MTMR8: variants seen among roughly 807,000 people sequenced by gnomAD.
MTMR8 encodes myotubularin related protein 8, also known as phosphatidylinositol-3,5-bisphosphate 3-phosphatase MTMR8.
In MTMR8, 65 loss-of-function variants were observed where a neutral mutation model predicts 39.3. That is an observed-to-expected ratio of 1.65 (90% CI 1.35 to 2.03). The LOEUF is 2.03. Among genes scored for constraint, MTMR8 ranks in the 30% most tolerant of loss-of-function variants. MTMR8 has a pLI of 0.00. For missense variants in MTMR8, 777 were observed against 538.9 expected, an observed-to-expected ratio of 1.44 and a Z score of -4.37; for synonymous variants, 245 against 185.2, an observed-to-expected ratio of 1.32 and a Z score of -2.62.
intron 12 of MTMR8, among the ~76,000 whole-genome samples, chrX:64,295,290 A>T (rs1921536806): frequency 1.8e-5 from 2 of 111,512 alleles, no homozygotes; most frequent in African/African-American, 6.5e-5. Context: ...CTCTTGAGGT[A>T]AACCTAAATG....
chrX:64,337,302 A>G lies in MTMR8; in HGVS notation c.1067T>C (p.Leu356Pro). 8.3e-7 allele frequency: 1 copy of G among 1,210,353 alleles called. No individual in the cohort carries two copies. Among genetic ancestry groups the G allele is most frequent in the Non-Finnish European group, 1.1e-6 (1 of 894,366 alleles). ...AQVCSVASILLDPFYRTFKGL... is the reference protein window; with the variant it reads ...AQVCSVASILPDPFYRTFKGL... ...TTTGAATGTCCTATAAAATGGATCT[A>G]GGAGGATGCTAGCCACTGAGCAGAC... The change falls in exon 9 of 14, where the codon CTA becomes CCA. Residue 356 changes from leucine (L) to proline (P), a missense_variant. By Grantham distance (98) the Leu-to-Pro change is moderately conservative. Transcript: ENST00000374852.
chrX:64,343,022 T>A (rs1923257883), intron 8 of MTMR8, among the ~76,000 whole-genome samples: 3 of 111,561 alleles, frequency 2.7e-5, no homozygotes, highest in African/African-American at 9.8e-5. Flanking sequence ...TCAGCATAAA[T>A]ACAGGGTGAC....
chrX:64,394,727 G>A (rs1327359208), intron 1 of MTMR8, among the ~76,000 whole-genome samples: 1 of 111,916 alleles, frequency 8.9e-6, no homozygotes, highest in Non-Finnish European at 1.9e-5. Context: ...AAACCTCTTG[G>A]GTTTCTCCTA....
intron 1 of MTMR8, among the ~76,000 whole-genome samples, chrX:64,378,887 C>T (rs1924339319): frequency 1.8e-5 from 2 of 111,730 alleles, no homozygotes; most frequent in South Asian, 7.5e-4. Context: ...TGATAAGATG[C>T]TAGCCAGGCT....
In MTMR8 at chrX:64,296,995, C is replaced by G. The variant is rs754910555; in HGVS notation, c.1482-25922G>C. On this transcript the variant is annotated intron_variant, in intron 12 of 13. Transcript: ENST00000374852. ...CAGTCTATCATTGTTGGACATTTGG[C>G]TTGGTTCCAAGTCTTTGCTATTGTG... Among the ~76,000 whole-genome samples the G allele has an allele frequency of 4.0e-3, 399 of 100,919 alleles. 3 individuals are homozygous for G. Among genetic ancestry groups the G allele is most frequent in the African/African-American group, 0.014 (374 of 27,331 alleles). The allele number at this position is 100,919 out of a possible 115,157, so 87.6% of individuals were successfully genotyped here.
At chrX:64,375,691 G>T (rs759492090) in intron 1 of MTMR8, among the ~76,000 whole-genome samples, 1 of 111,826 alleles carries the variant, frequency 8.9e-6, no homozygotes, top group Admixed American at 9.4e-5. Flanking sequence ...GCAGCAAAAA[G>T]ACCACTGTCT....
At chrX:64,381,444 T>A (rs1924418678) in intron 1 of MTMR8, among the ~76,000 whole-genome samples, 2 of 88,021 alleles carry the variant, frequency 2.3e-5, no homozygotes, top group Non-Finnish European at 3.8e-5. Flanking sequence ...TTCGATGGGG[T>A]TGTTTTTTTT....
In MTMR8 at chrX:64,356,224, G is replaced by C; in HGVS notation, c.262C>G (p.Leu88Val). 8.3e-7 allele frequency: 1 copy of C among 1,208,730 alleles called. No individual in the cohort carries two copies. The highest frequency in any genetic ancestry group is 1.1e-6 in the Non-Finnish European group (1 of 893,988). Residue 88 changes from leucine to valine, a missense_variant, in exon 3 of 14, where the codon CTT becomes GTT. Coordinates refer to ENST00000374852, the MANE Select transcript of MTMR8 (RefSeq NM_017677.4). ...RVAHFVLDSD[L>V]VCHEVYISLL... is the part of the protein sequence containing the mutation. Reference sequence around the variant, plus strand: ...GAAATATAAACCTCATGGCACACAAGGTCAGAATCTAAAACAAAGTGGGCC... The same window carrying C: ...GAAATATAAACCTCATGGCACACAACGTCAGAATCTAAAACAAAGTGGGCC...
intron 1 of MTMR8, among the ~76,000 whole-genome samples, chrX:64,381,307 T>G (rs1048473334): frequency 3.4e-4 from 38 of 112,293 alleles, no homozygotes; most frequent in African/African-American, 1.2e-3. Flanking sequence ...TGAGGTGGTA[T>G]CTCATTGTGG....
At chrX:64,303,554 T>C (rs1393304918) in intron 12 of MTMR8, among the ~76,000 whole-genome samples, 1 of 112,453 alleles carries the variant, frequency 8.9e-6, no homozygotes, top group Non-Finnish European at 1.9e-5. Flanking sequence ...GTTCACACAA[T>C]ACTTGTGCTC....
intron 12 of MTMR8, among the ~76,000 whole-genome samples, chrX:64,278,598 T>C (rs768157235): frequency 9.6e-6 from 1 of 103,771 alleles, no homozygotes; most frequent in East Asian, 3.2e-4. Flanking sequence ...CTCAGCCTCC[T>C]GAGGAGCTGG....
chrX:64,338,862 TG>T (rs1266810217), intron 8 of MTMR8, among the ~76,000 whole-genome samples: 2 of 111,781 alleles, frequency 1.8e-5, no homozygotes, highest in African/African-American at 6.5e-5. Flanking sequence ...AGTCATGGGA[TG>T]AAAGAAAAGG....
intron 8 of MTMR8, among the ~76,000 whole-genome samples, chrX:64,341,953 A>C: frequency 8.9e-6 from 1 of 112,325 alleles, no homozygotes; most frequent in East Asian, 2.8e-4. Context: ...ACATTTAAAA[A>C]AGAGAGAGAA....
chrX:64,286,710 A>C (rs1921191990), intron 12 of MTMR8, among the ~76,000 whole-genome samples: 1 of 111,735 alleles, frequency 8.9e-6, no homozygotes, highest in Admixed American at 9.5e-5. Flanking sequence ...AAAGACAAAA[A>C]CCACATGATT....
At chrX:64,359,174 C>G (rs769701873) in intron 2 of MTMR8, among the ~76,000 whole-genome samples, 10 of 110,532 alleles carry the variant, frequency 9.0e-5, no homozygotes, top group African/African-American at 3.0e-4. Context: ...TTAGCTAAAC[C>G]CCAGGAATAT....
intron 12 of MTMR8, among the ~76,000 whole-genome samples, chrX:64,317,058 G>T (rs1236779031): frequency 9.5e-6 from 1 of 105,024 alleles, no homozygotes; most frequent in Non-Finnish European, 1.9e-5. Context: ...GTTGCAGTGA[G>T]CCGAGATCAT....
intron 1 of MTMR8, among the ~76,000 whole-genome samples, chrX:64,363,354 G>A (rs940903774): frequency 9.9e-5 from 11 of 111,502 alleles, no homozygotes; most frequent in Non-Finnish European, 2.1e-4. Flanking sequence ...CCTCATGAAT[G>A]ATTTAGCCCC....
At chrX:64,369,149 C>A (rs1394524470) in intron 1 of MTMR8, among the ~76,000 whole-genome samples, 1 of 111,864 alleles carries the variant, frequency 8.9e-6, no homozygotes, top group Non-Finnish European at 1.9e-5. Flanking sequence ...AATAGGAATG[C>A]CTTTACACTG....
chrX:64,326,083 G>GA (rs1289399407), intron 12 of MTMR8, among the ~76,000 whole-genome samples: 4 of 111,658 alleles, frequency 3.6e-5, no homozygotes, highest in African/African-American at 1.3e-4. Context: ...TTAAGCTAAA[G>GA]AAAAAATTAT....
Sources: allele counts gnomAD v4.1 joint callset (sites outside exome capture counted in the v4.1 genomes callset), GRCh38; gene constraint gnomAD v4.1.1; transcripts MANE v1.5; gene names NCBI Gene and HGNC (gene_info 2026-07-23, HGNC 2026-07-21).